The following ANO1 variants were observed in gnomAD, a reference collection of about 807,000 sequenced individuals.
The protein encoded by ANO1 is anoctamin-1.
In ANO1, 59 loss-of-function variants were observed where a neutral mutation model predicts 124.0. The ratio of observed to expected loss-of-function variants is 0.48; its 90% CI spans 0.39 to 0.59. ANO1 has a LOEUF of 0.59. Ranked by LOEUF, ANO1 falls within the 20% of genes least tolerant of loss-of-function variation. ANO1 has a pLI of 0.00. For synonymous variants in ANO1, 529 were observed against 532.0 expected (o/e 0.99, Z 0.08); for missense variants, 1,059 against 1,328.0 (o/e 0.80, Z 3.15).
At chr11:69,973,349 A>G in the ANO1 span, among the ~76,000 whole-genome samples, 3 of 152,208 alleles carry the variant, frequency 2.0e-5, no homozygotes, top group Admixed American at 6.5e-5. Flanking sequence ...TCAAAAAATC[A>G]CTGTATCCTC....
At chr11:70,106,439 G>A (rs1482970971) in intron 5 of ANO1, among the ~76,000 whole-genome samples, 3 of 152,228 alleles carry the variant, frequency 2.0e-5, no homozygotes, top group Admixed American at 1.3e-4. Context: ...GCCTGGCCGG[G>A]CAGAGACAGA....
chr11:70,002,235 G>A (rs564860163), intron 1 of ANO1, among the ~76,000 whole-genome samples: 2 of 152,088 alleles, frequency 1.3e-5, no homozygotes, highest in East Asian at 3.9e-4. Flanking sequence ...TGGATCATGA[G>A]GTCAGGATCC....
In ANO1 at chr11:70,104,161, AC is replaced by A; in HGVS notation, c.692+16del. 6.2e-7 allele frequency: 1 copy of A among 1,607,154 alleles called. No homozygotes were observed. Among genetic ancestry groups the A allele is most frequent in the African/African-American group, 1.3e-5 (1 of 74,708 alleles). On this transcript the variant is annotated intron_variant, in intron 4 of 25. Transcript: ENST00000355303. ...GGAGAAGCAGCATCTGTAAGTGGGGACCCCCAGCCTGCTCCCCAAAGGGTCC... is the reference window on the plus strand; with the variant it reads ...GGAGAAGCAGCATCTGTAAGTGGGGACCCCAGCCTGCTCCCCAAAGGGTCC...
Position 70,090,609 on chromosome 11 carries a change from G to A in ANO1, c.441+2525G>A, listed in dbSNP as rs997572221. ...CATATATTATTGTTCATACTGAAGC[G>A]GCAAGAAGGACGAGAAAAGACCCTT... On this transcript the variant is annotated intron_variant, in intron 2 of 25. Coordinates refer to ENST00000355303, the MANE Select transcript of ANO1 (RefSeq NM_018043.7). Among the ~76,000 whole-genome samples the A allele has an allele frequency of 3.9e-5, 6 of 152,216 alleles. No homozygotes were observed. The East Asian group carries it at 5.8e-4, about 15-fold the overall frequency.
intron 11 of ANO1, among the ~76,000 whole-genome samples, chr11:70,141,322 C>A (rs971126805): frequency 6.6e-6 from 1 of 152,150 alleles, no homozygotes; most frequent in African/African-American, 2.4e-5. Context: ...CCAAGAGCTG[C>A]GGGCCAGCCC....
chr11:70,092,428 C>T (rs757779027), intron 2 of ANO1, among the ~76,000 whole-genome samples: 8 of 152,134 alleles, frequency 5.3e-5, no homozygotes, highest in African/African-American at 1.7e-4. Flanking sequence ...GGCTGGAGCA[C>T]GCGGGTAGCA....
intron 2 of ANO1, among the ~76,000 whole-genome samples, chr11:70,099,175 ACTC>A (rs2045147776): frequency 6.6e-6 from 1 of 151,840 alleles, no homozygotes; most frequent in African/African-American, 2.4e-5. Context: ...GGCAGAATGC[ACTC>A]CTCAGGGCGC....
chr11:70,146,146 C>A (rs1430875607), intron 11 of ANO1, among the ~76,000 whole-genome samples: 1 of 152,044 alleles, frequency 6.6e-6, no homozygotes, highest in Non-Finnish European at 1.5e-5. Context: ...GAGAGTTGGT[C>A]CAGTATCGTG....
chr11:70,108,251 T>C (rs904373431), intron 5 of ANO1, 102 bp from the exon 6 acceptor site: 10 of 1,167,134 alleles, frequency 8.6e-6, no homozygotes, highest in Non-Finnish European at 1.1e-5. Context: ...GAGGTCTTCA[T>C]GCGTAACGTG....
At chr11:69,975,082 C>T in the ANO1 span, among the ~76,000 whole-genome samples, 58 of 152,298 alleles carry the variant, frequency 3.8e-4, no homozygotes, top group African/African-American at 1.3e-3. Context: ...ACCCCACAAC[C>T]GCACGTGGCT....
At chr11:70,092,394 G>T (rs1242036819) in intron 2 of ANO1, among the ~76,000 whole-genome samples, 4 of 152,172 alleles carry the variant, frequency 2.6e-5, no homozygotes. Flanking sequence ...GGTAATCCTG[G>T]AGTTGGCTGC....
intron 1 of ANO1, among the ~76,000 whole-genome samples, chr11:70,027,338 G>C (rs961958739): frequency 6.6e-6 from 1 of 152,198 alleles, no homozygotes; most frequent in East Asian, 1.9e-4. Context: ...CTCACACAAA[G>C]CCTATATTAT....
intron 8 of ANO1, among the ~76,000 whole-genome samples, chr11:70,117,475 A>G (rs1047919212): frequency 1.3e-5 from 2 of 151,302 alleles, no homozygotes; most frequent in African/African-American, 4.9e-5. Flanking sequence ...CACCCTTCCC[A>G]CCCAGGCTCC....
the ANO1 span, among the ~76,000 whole-genome samples, chr11:69,974,242 C>T: frequency 5.7e-4 from 87 of 151,844 alleles, no homozygotes; most frequent in African/African-American, 2.1e-3. Context: ...ACGCTTGAAC[C>T]TGGGAAGCAG....
chr11:70,114,174 C>T (rs1288869868), intron 7 of ANO1, among the ~76,000 whole-genome samples: 1 of 152,226 alleles, frequency 6.6e-6, no homozygotes, highest in Non-Finnish European at 1.5e-5. Context: ...GGTCTGTTCC[C>T]ACCTTAAAGA....
chr11:69,994,104 C>CG (rs782658687), intron 1 of ANO1, among the ~76,000 whole-genome samples: 9 of 4,216 alleles, frequency 2.1e-3, no homozygotes, highest in Middle Eastern at 0.071. Context: ...TTGTCGTTAA[C>CG]CCCCCCCCAC....
chr11:70,182,934 C>A (rs2048984275), intron 24 of ANO1, among the ~76,000 whole-genome samples: 1 of 151,864 alleles, frequency 6.6e-6, no homozygotes, highest in Non-Finnish European at 1.5e-5. Flanking sequence ...CATAGTGAGA[C>A]CTCATCTCTA....
At chr11:70,139,603 T>C (rs2047076047) in intron 11 of ANO1, among the ~76,000 whole-genome samples, 1 of 151,868 alleles carries the variant, frequency 6.6e-6, no homozygotes, top group Non-Finnish European at 1.5e-5. Context: ...GGATTACAGG[T>C]GTAAGCCACC....
At chr11:70,036,623 T>C (rs76055453) in intron 1 of ANO1, among the ~76,000 whole-genome samples, 16,027 of 152,184 alleles carry the variant, frequency 0.11, 1,109 homozygotes, top group East Asian at 0.17. Flanking sequence ...GTTTTGTTTT[T>C]TTAAGACAGA....
Sources: gnomAD v4.1 joint callset for allele counts (sites outside exome capture counted in the v4.1 genomes callset) on GRCh38, gnomAD v4.1.1 for gene constraint, MANE v1.5 for transcripts, NCBI Gene and HGNC (gene_info 2026-07-23, HGNC 2026-07-21) for gene names.